GATA3: variants seen among roughly 807,000 people sequenced by gnomAD.
GATA3 encodes trans-acting T-cell-specific transcription factor GATA-3.
A neutral mutation model predicts 36.0 loss-of-function variants in GATA3; 6 were observed. The ratio of observed to expected loss-of-function variants is 0.17; its 90% CI spans 0.09 to 0.33. The LOEUF (loss-of-function observed/expected upper bound fraction) is 0.33, where lower values mean the gene tolerates loss of function less well. Ranked by LOEUF, GATA3 falls within the 10% of genes least tolerant of loss-of-function variation. GATA3 has a pLI of 1.00. For synonymous variants in GATA3, 326 were observed against 273.0 expected, an observed-to-expected ratio of 1.19 and a Z score of -1.92; for missense variants, 514 against 610.1, an observed-to-expected ratio of 0.84 and a Z score of 1.66.
upstream of GATA3, among the ~76,000 whole-genome samples, chr10:8,050,277 A>C (rs540729858): frequency 6.6e-6 from 1 of 152,330 alleles, no homozygotes; most frequent in Admixed American, 6.5e-5. Context: ...CTCTATTAAA[A>C]TGGAGACACC....
Position 8,074,025 on chromosome 10 carries a change from G to A in GATA3, c.*2G>A. 1 of 1,613,892 alleles carries A rather than the reference G, an allele frequency of 6.2e-7. No individual in the cohort carries two copies. Among genetic ancestry groups the A allele is most frequent in the Non-Finnish European group, 8.5e-7 (1 of 1,179,878 alleles). On this transcript the variant is annotated 3_prime_UTR_variant, in exon 6 of 6. Coordinates refer to ENST00000379328, the MANE Select transcript of GATA3 (RefSeq NM_001002295.2). Reference sequence around the variant, plus strand: ...AGCATGGTCACCGCCATGGGTTAGAGCCCTGCTCGATGCTCACAGGGCCCC... The same window carrying A: ...AGCATGGTCACCGCCATGGGTTAGAACCCTGCTCGATGCTCACAGGGCCCC...
At chr10:8,069,969 C>T (rs1832905216) in intron 5 of GATA3, among the ~76,000 whole-genome samples, 1 of 152,022 alleles carries the variant, frequency 6.6e-6, no homozygotes, top group Non-Finnish European at 1.5e-5. Context: ...AAACTCTTTG[C>T]AGAAAGAGAG....
At position 8,055,573 on chromosome 10, in the gene GATA3, C is replaced by A; in HGVS notation, c.-83C>A. 1.3e-6 allele frequency: 2 copies of A among 1,498,038 alleles called. No homozygotes were observed. The highest frequency in any genetic ancestry group is 1.3e-5 in the South Asian group (1 of 79,828). The allele number at this position is 1,498,038 out of a possible 1,614,324, so 92.8% of individuals were successfully genotyped here. A position where few individuals can be genotyped will look rare whatever the true frequency, so the allele number is the denominator to read the frequency against. ...CCCCCGACCCTCCGACGGCAGGAGC[C>A]CCCCGACCTCCCAGGCGGACCGCCC... On this transcript the variant is annotated 5_prime_UTR_variant, in exon 2 of 6. Transcript: ENST00000379328. The surrounding 1 kb of genome is among the most constrained non-coding windows in gnomAD (Gnocchi z 5.4).
rs146978433 is a variant in GATA3 at position 8,064,567 on chromosome 10, G to T, written c.924+429G>T. 2.6e-5 allele frequency among the ~76,000 whole-genome samples: 4 copies of T among 152,248 alleles called. No individual in the cohort carries two copies. In the East Asian group the frequency reaches 5.8e-4, roughly 22 times the overall value. On this transcript the variant is annotated intron_variant, in intron 4 of 5. Transcript: ENST00000379328. ...AATGTTCCAGAAACCATCCAGAATGGGTTCCTGAAGTTGTGGCGTGTGGCT... is the reference window on the plus strand; with the variant it reads ...AATGTTCCAGAAACCATCCAGAATGTGTTCCTGAAGTTGTGGCGTGTGGCT...
rs751538354 is a variant in GATA3, at chr10:8,063,980, C to T, written c.779-13C>T. On this transcript the variant is annotated splice_polypyrimidine_tract_variant and intron_variant, in intron 3 of 5. Coordinates refer to ENST00000379328, the MANE Select transcript of GATA3 (RefSeq NM_001002295.2). The stretch of plus-strand genomic sequence containing the variant: ...TCCTTCCCTAAGTGGCTTATCTGTG[C>T]TTTTGTTTCCAGAAGGCAGGGAGTG... The T allele has an allele frequency of 1.2e-6, 2 of 1,614,210 alleles. No homozygotes were observed. Among genetic ancestry groups the T allele is most frequent in the South Asian group, 2.2e-5 (2 of 91,090 alleles).
intron 4 of GATA3, among the ~76,000 whole-genome samples, chr10:8,069,218 C>A (rs1428551296): frequency 6.6e-6 from 1 of 152,138 alleles, no homozygotes; most frequent in Non-Finnish European, 1.5e-5. Context: ...CGGCTTCCTG[C>A]TCCTACCGGG....
Position 8,055,727 on chromosome 10 carries a change from G to C in GATA3, c.72G>C (p.Pro24=), listed in dbSNP as rs202168967. Reference sequence around the variant, plus strand: ...CCGCCGTGCTCAACGGGCAGCACCCGGACACGCACCACCCGGGCCTCAGCC... The same window carrying C: ...CCGCCGTGCTCAACGGGCAGCACCCCGACACGCACCACCCGGGCCTCAGCC... The part of the protein sequence containing the change: ...HHPAVLNGQH[P]DTHHPGLSHS... The change falls in exon 2 of 6, where the codon CCG becomes CCC. Residue 24 remains proline, a synonymous_variant. Coordinates refer to ENST00000379328, the MANE Select transcript of GATA3 (RefSeq NM_001002295.2). This position sits in a 1 kb window ranked among gnomAD's most constrained non-coding sequence, Gnocchi z 5.4. 1.3e-6 allele frequency: 2 copies of C among 1,571,514 alleles called. No individual in the cohort carries two copies. The highest frequency in any genetic ancestry group is 2.7e-5 in the African/African-American group (2 of 73,996).
rs185796020 is a variant in GATA3 at position 8,054,861 on chromosome 10, C to A, written c.-400C>A. On this transcript the variant is annotated 5_prime_UTR_variant, in exon 1 of 6. Transcript: ENST00000379328. The surrounding 1 kb of genome is among the most constrained non-coding windows in gnomAD (Gnocchi z 4.2). ...GACCGAGCAGGTCGTACGCCGCCGC[C>A]TCCTCCTCCTCTCTGCTCTTCGCTA... is the stretch of plus-strand genomic sequence containing the variant. The A allele has an allele frequency of 6.6e-6, 1 of 151,736 alleles. No individual in the cohort carries two copies. The highest frequency in any genetic ancestry group is 1.9e-4 in the East Asian group (1 of 5,232). 9.4% of individuals were successfully genotyped at this position (151,736 alleles called of 1,614,324 possible).
In GATA3 at chr10:8,055,037, C is replaced by G. The variant is rs1309985006; in HGVS notation, c.-370+146C>G. 1.7e-5 allele frequency: 3 copies of G among 180,260 alleles called. No individual in the cohort carries two copies. Among genetic ancestry groups the G allele is most frequent in the East Asian group, 9.5e-5 (1 of 10,524 alleles). 11.2% of individuals were successfully genotyped at this position (180,260 alleles called of 1,614,324 possible). ...AGGACGGTCCCGGGACCGGTGTCCC[C>G]GAGGGAGGGACTTGCCCTCCAAGTC... On this transcript the variant is annotated intron_variant, in intron 1 of 5. Coordinates refer to ENST00000379328, the MANE Select transcript of GATA3 (RefSeq NM_001002295.2). The surrounding 1 kb of genome is among the most constrained non-coding windows in gnomAD (Gnocchi z 5.4).
chr10:8,069,918 A>G (rs1420357780), intron 5 of GATA3, among the ~76,000 whole-genome samples: 1 of 152,200 alleles, frequency 6.6e-6, no homozygotes, highest in Non-Finnish European at 1.5e-5. Context: ...TTGGAAAACA[A>G]AAAAAGCCAC....
upstream of GATA3, chr10:8,053,139 A>G (rs745648920): frequency 9.2e-5 from 14 of 152,188 alleles, no homozygotes; most frequent in Non-Finnish European, 1.6e-4. This position sits in a 1 kb window ranked among gnomAD's most constrained non-coding sequence, Gnocchi z 5.1. Flanking sequence ...GAAGTTGAAT[A>G]TTGTTGTTGT....
chr10:8,060,163 A>G (rs1260466138), intron 3 of GATA3, among the ~76,000 whole-genome samples: 2 of 152,208 alleles, frequency 1.3e-5, no homozygotes, highest in Non-Finnish European at 2.9e-5. Flanking sequence ...TTTAGTTGAT[A>G]TGTTTTAGCT....
chr10:8,073,867 C>T lies in GATA3; in HGVS notation c.1179C>T (p.Asn393=), dbSNP rs138679257. The T allele has an allele frequency of 1.6e-3, 2,581 of 1,614,166 alleles. 7 individuals carry two copies. The highest frequency in any genetic ancestry group is 2.0e-3 in the Non-Finnish European group (2,369 of 1,180,032). ...ACTTCCCCAAGAACAGCTCGTTTAA[C>T]CCGGCCGCCCTCTCCAGACACATGT... The part of the protein sequence containing the change: ...LEDFPKNSSF[N]PAALSRHMSS... The change falls in exon 6 of 6, where the codon AAC becomes AAT. Residue 393 remains asparagine (N), a synonymous_variant. Transcript: ENST00000379328.
At chr10:8,069,180 G>A (rs1226317055) in intron 4 of GATA3, among the ~76,000 whole-genome samples, 1 of 152,130 alleles carries the variant, frequency 6.6e-6, no homozygotes, top group Non-Finnish European at 1.5e-5. Context: ...TTGAGGGTAG[G>A]AGGCTAAGAC....
At chr10:8,050,945 C>A (rs777984961), upstream of GATA3, 4 of 471,812 alleles carry the variant, frequency 8.5e-6, no homozygotes, top group South Asian at 6.1e-5. Flanking sequence ...CTTCTCCCGG[C>A]ACCTCGGCCC....
At chr10:8,049,254 T>G (rs906123226), upstream of GATA3, among the ~76,000 whole-genome samples, 43 of 152,256 alleles carry the variant, frequency 2.8e-4, no homozygotes, top group African/African-American at 9.1e-4. Flanking sequence ...CGAGGAGAGT[T>G]GCCCCTTGGA....
chr10:8,048,714 C>T (rs1385480221), upstream of GATA3, among the ~76,000 whole-genome samples: 2 of 152,212 alleles, frequency 1.3e-5, no homozygotes, highest in Non-Finnish European at 2.9e-5. Context: ...AAGGCGAGTT[C>T]CTTCTCTCCC....
intron 5 of GATA3, among the ~76,000 whole-genome samples, chr10:8,070,539 T>C (rs1430402704): frequency 6.6e-6 from 1 of 152,184 alleles, no homozygotes; most frequent in Non-Finnish European, 1.5e-5. Context: ...TTCTCCTAAA[T>C]TCTCTTGGCC....
At chr10:8,059,500 G>GTT (rs1163324100) in intron 3 of GATA3, among the ~76,000 whole-genome samples, 2 of 152,194 alleles carry the variant, frequency 1.3e-5, no homozygotes, top group African/African-American at 4.8e-5. Flanking sequence ...GGCCCAGTTA[G>GTT]TTACCTGCAG....
Sources: allele counts gnomAD v4.1 joint callset (sites outside exome capture counted in the v4.1 genomes callset), GRCh38; gene constraint gnomAD v4.1.1; non-coding constraint Gnocchi (gnomAD v3.1); transcripts MANE v1.5; gene names NCBI Gene and HGNC (gene_info 2026-07-23, HGNC 2026-07-21).